Variants in SLAMF1 observed in about 807,000 individuals in gnomAD.
The protein encoded by SLAMF1 is signaling lymphocytic activation molecule family member 1.
In SLAMF1, 18 loss-of-function variants were observed where a neutral mutation model predicts 35.1. The ratio of observed to expected loss-of-function variants is 0.51; its 90% CI spans 0.35 to 0.76. The LOEUF (loss-of-function observed/expected upper bound fraction) is 0.76, where lower values mean the gene tolerates loss of function less well. Ranked by LOEUF, SLAMF1 falls within the 30% of genes least tolerant of loss-of-function variation. The probability of loss-of-function intolerance (pLI) is 0.01; values close to 1 mark genes in which losing one functional copy is unlikely to be tolerated. For missense variants in SLAMF1, 392 were observed against 413.0 expected, an observed-to-expected ratio of 0.95 and a Z score of 0.44; for synonymous variants, 168 against 157.2, an observed-to-expected ratio of 1.07 and a Z score of -0.51.
At chr1:160,629,381 T>C (rs866188924) in intron 3 of SLAMF1, among the ~76,000 whole-genome samples, 1 of 151,636 alleles carries the variant, frequency 6.6e-6, no homozygotes, top group East Asian at 1.9e-4. Context: ...AAAAGAAAAC[T>C]AAAAAGAATC....
chr1:160,636,153 C>G (rs543641983), intron 2 of SLAMF1, among the ~76,000 whole-genome samples: 1 of 152,218 alleles, frequency 6.6e-6, no homozygotes, highest in Non-Finnish European at 1.5e-5. Flanking sequence ...GACAGAATGT[C>G]TGGCATCCAC....
At chr1:160,614,205 T>C (rs1038902404) in intron 5 of SLAMF1, among the ~76,000 whole-genome samples, 3 of 152,248 alleles carry the variant, frequency 2.0e-5, no homozygotes, top group African/African-American at 7.2e-5. Context: ...AATTCTTAAA[T>C]ACATTTTGAA....
At chr1:160,612,177 C>T (rs957386532) in intron 6 of SLAMF1, among the ~76,000 whole-genome samples, 36 of 152,008 alleles carry the variant, frequency 2.4e-4, no homozygotes, top group African/African-American at 8.5e-4. Context: ...TTTTTGCCTG[C>T]ATGCTGTGGC....
rs1660785438 is a variant in SLAMF1, at chr1:160,642,197, T to G, written c.77-4668A>C. Among the ~76,000 whole-genome samples the G allele has an allele frequency of 6.6e-6, 1 of 152,220 alleles. No individual in the cohort carries two copies. The highest frequency in any genetic ancestry group is 2.4e-5 in the African/African-American group (1 of 41,452). ...TCTTGTCTGTGTTTGCTTTTTAAAC[T>G]GTATCCCCATCAGTCAAAGTCCTAT... On this transcript the variant is annotated intron_variant, in intron 1 of 6. Transcript: ENST00000302035. The surrounding 1 kb of genome is among the most constrained non-coding windows in gnomAD (Gnocchi z 4.2).
chr1:160,616,097 C>G (rs529750908), intron 5 of SLAMF1, among the ~76,000 whole-genome samples: 2 of 152,326 alleles, frequency 1.3e-5, no homozygotes, highest in East Asian at 3.9e-4. Context: ...TAGCATAAAT[C>G]TTTATATCAA....
chr1:160,640,222 G>A (rs1660665244), intron 1 of SLAMF1, among the ~76,000 whole-genome samples: 1 of 150,940 alleles, frequency 6.6e-6, no homozygotes, highest in African/African-American at 2.4e-5. Context: ...CAGGTGCTAT[G>A]TGCTTAGTAT....
rs1658864212 is a variant in SLAMF1 at position 160,609,436 on chromosome 1, A to C, written c.*1312T>G. The C allele has an allele frequency of 6.6e-6, 1 of 152,200 alleles. No individual in the cohort carries two copies. Among genetic ancestry groups the C allele is most frequent in the South Asian group, 2.1e-4 (1 of 4,822 alleles). 9.4% of individuals were successfully genotyped at this position (152,200 alleles called of 1,614,324 possible). On this transcript the variant is annotated 3_prime_UTR_variant, in exon 7 of 7. Transcript: ENST00000302035. ...CACTAAGCAACAGGCTTACAATGTG[A>C]ATTGACCTCATAGAGGAGGTAAGAT...
rs1304663865 is a variant in SLAMF1 at position 160,646,860 on chromosome 1, G to A, written c.76+10C>T. 1.3e-6 allele frequency: 2 copies of A among 1,532,916 alleles called. No individual in the cohort carries two copies. Among genetic ancestry groups the A allele is most frequent in the Admixed American group, 1.7e-5 (1 of 59,640 alleles). The allele number at this position is 1,532,916 out of a possible 1,614,324, so 95.0% of individuals were successfully genotyped here. A position where few individuals can be genotyped will look rare whatever the true frequency, so the allele number is the denominator to read the frequency against. On this transcript the variant is annotated intron_variant, in intron 1 of 6. Coordinates refer to ENST00000302035, the MANE Select transcript of SLAMF1 (RefSeq NM_003037.5). ...ATGGGACTCAAACCATCAGGCAGAT[G>A]AACACTCACCTGTTCCGTAGCTTGC...
At chr1:160,634,483 T>C in intron 3 of SLAMF1, 130 bp downstream of exon 3, 1 of 1,406,982 alleles carries the variant, frequency 7.1e-7, no homozygotes, top group South Asian at 1.5e-5. Flanking sequence ...TGGTAAACTT[T>C]TGCAAACTAT....
At chr1:160,619,642 T>C (rs920856488) in intron 5 of SLAMF1, 134 bp downstream of exon 5, 2 of 702,188 alleles carry the variant, frequency 2.8e-6, no homozygotes, top group Admixed American at 4.5e-5. Context: ...AGGAGAACTC[T>C]TGTTCTTGAC....
chr1:160,645,945 G>A (rs1041762219), intron 1 of SLAMF1, among the ~76,000 whole-genome samples: 10 of 152,036 alleles, frequency 6.6e-5, no homozygotes, highest in Non-Finnish European at 4.4e-5. Flanking sequence ...CCCCGTGTCC[G>A]TAATGCCACC....
chr1:160,632,196 C>T (rs1352772613), intron 3 of SLAMF1, among the ~76,000 whole-genome samples: 1 of 152,104 alleles, frequency 6.6e-6, no homozygotes, highest in African/African-American at 2.4e-5. Context: ...TACACAGTGG[C>T]AAGCCTCTAT....
At chr1:160,634,519 A>C in intron 3 of SLAMF1, 94 bp downstream of exon 3, 1 of 1,435,904 alleles carries the variant, frequency 7.0e-7, no homozygotes, top group Non-Finnish European at 9.4e-7. Flanking sequence ...TATTGTTACT[A>C]AGGTGAATGC....
At position 160,612,774 on chromosome 1, in the gene SLAMF1, C is replaced by T. The variant is rs1441639637; in HGVS notation, c.865-194G>A. ...CTCAATTCCCCAGGCTTTGCTTGGA[C>T]TCCCCAAGTGGCGTCTTGGGGTGCA... On this transcript the variant is annotated intron_variant, in intron 5 of 6. Coordinates refer to ENST00000302035, the MANE Select transcript of SLAMF1 (RefSeq NM_003037.5). Among the ~76,000 whole-genome samples, 3 of 152,318 alleles carry T rather than the reference C, an allele frequency of 2.0e-5. No homozygotes were observed. In the East Asian group the frequency reaches 5.8e-4, roughly 29 times the overall value.
chr1:160,613,792 T>C (rs918577787), intron 5 of SLAMF1, among the ~76,000 whole-genome samples: 1 of 152,252 alleles, frequency 6.6e-6, no homozygotes, highest in African/African-American at 2.4e-5. Flanking sequence ...ATAAAGTATC[T>C]CAGGTTTAAA....
chr1:160,612,245 AT>A (rs3079846), intron 6 of SLAMF1, among the ~76,000 whole-genome samples: 54,459 of 147,960 alleles, frequency 0.37, 11,731 homozygotes, highest in East Asian at 0.66. Context: ...TTTTGTTTTA[AT>A]TTTTTTTTTT....
chr1:160,618,967 T>C (rs551582168), intron 5 of SLAMF1, among the ~76,000 whole-genome samples: 2 of 152,308 alleles, frequency 1.3e-5, no homozygotes, highest in South Asian at 2.1e-4. Context: ...ATAAGAACTT[T>C]GTTCAAGAGT....
chr1:160,632,630 T>C (rs1380606894), intron 3 of SLAMF1, among the ~76,000 whole-genome samples: 6 of 152,224 alleles, frequency 3.9e-5, no homozygotes, highest in Non-Finnish European at 5.9e-5. Flanking sequence ...AAGAAAGTTC[T>C]GCCCCTTTTT....
At chr1:160,625,956 C>G (rs894122434) in intron 3 of SLAMF1, among the ~76,000 whole-genome samples, 1 of 152,016 alleles carries the variant, frequency 6.6e-6, no homozygotes, top group Non-Finnish European at 1.5e-5. Flanking sequence ...GGATAAGAAG[C>G]AAAGCCAGTA....
Sources: gnomAD v4.1 joint callset for allele counts (sites outside exome capture counted in the v4.1 genomes callset) on GRCh38, gnomAD v4.1.1 for gene constraint, Gnocchi (gnomAD v3.1) non-coding constraint, MANE v1.5 for transcripts, NCBI Gene and HGNC (gene_info 2026-07-23, HGNC 2026-07-21) for gene names.